The following SHOC1 variants were observed in gnomAD, a reference collection of about 807,000 sequenced individuals.
The protein encoded by SHOC1 is protein shortage in chiasmata 1 ortholog.
In SHOC1, 136 loss-of-function variants were observed where a neutral mutation model predicts 179.2. That is an observed-to-expected ratio of 0.76 (90% CI 0.66 to 0.87). The LOEUF is 0.87. Among genes scored for constraint, SHOC1 ranks in the 40% least tolerant of loss-of-function variants. SHOC1 has a pLI of 0.00. For synonymous variants in SHOC1, 489 were observed against 586.6 expected, an observed-to-expected ratio of 0.83 and a Z score of 2.41; for missense variants, 1,538 against 1,700.8, an observed-to-expected ratio of 0.90 and a Z score of 1.68.
intron 5 of SHOC1, among the ~76,000 whole-genome samples, chr9:111,761,846 A>G (rs1030271310): frequency 1.3e-5 from 2 of 152,174 alleles, no homozygotes; most frequent in African/African-American, 4.8e-5. Context: ...GTAAGTAAAA[A>G]TATAATTTTT....
rs1831429110 is a variant in SHOC1 at position 111,691,650 on chromosome 9, A to T, written c.4327T>A (p.Phe1443Ile). The stretch of plus-strand genomic sequence containing the variant: ...CTTTGGTAGAAATAAAGGCTGTTGA[A>T]TTCTTTTTGATTTGCATTAGAATCA... ...ASDSNANQKE[F>I]NSLYFYQRAG... Residue 1443 changes from phenylalanine to isoleucine, a missense_variant, in exon 27 of 28, where the codon TTC (phenylalanine) becomes ATC (isoleucine). Transcript: ENST00000682961. 1 of 1,613,836 alleles carries T rather than the reference A, an allele frequency of 6.2e-7. No homozygotes were observed. The highest frequency in any genetic ancestry group is 2.2e-5 in the East Asian group (1 of 44,866).
At position 111,718,364 on chromosome 9, in the gene SHOC1, T is replaced by C. The variant is rs1589402682; in HGVS notation, c.2132-76A>G. On this transcript the variant is annotated intron_variant, in intron 15 of 27. Coordinates refer to ENST00000682961, the MANE Select transcript of SHOC1 (RefSeq NM_001378211.1). Reference sequence around the variant, plus strand: ...AGAATATGTATCAGAATCTGCCTAATAATGGGAGCTAACATTTATTATTGA... The same window carrying C: ...AGAATATGTATCAGAATCTGCCTAACAATGGGAGCTAACATTTATTATTGA... 3.4e-5 allele frequency: 30 copies of C among 874,572 alleles called. No individual in the cohort carries two copies. In the East Asian group the frequency reaches 8.6e-4, roughly 25 times the overall value. 54.2% of individuals were successfully genotyped at this position (874,572 alleles called of 1,614,324 possible). A position where few individuals can be genotyped will look rare whatever the true frequency, so the allele number is the denominator to read the frequency against.
At chr9:111,707,394 GA>G (rs5899966) in intron 19 of SHOC1, among the ~76,000 whole-genome samples, 121,298 of 151,614 alleles carry the variant, frequency 0.8, 48,701 homozygotes, top group East Asian at 0.92. Context: ...CCCAATATTT[GA>G]AAAAAAATAA....
At chr9:111,697,229 A>C (rs1188427111) in intron 24 of SHOC1, among the ~76,000 whole-genome samples, 1 of 150,788 alleles carries the variant, frequency 6.6e-6, no homozygotes, top group African/African-American at 2.4e-5. Flanking sequence ...TCTAGAGTAC[A>C]TGTTCACAAT....
chr9:111,705,370 TA>T lies in SHOC1; in HGVS notation c.2738-7del. ...TCTATCCAGCAAGGTGCTTCCTAAA[TA>T]AGAGAAAATTTATAAATATTTCTCT... is the stretch of plus-strand genomic sequence containing the variant. On this transcript the variant is annotated splice_region_variant and splice_polypyrimidine_tract_variant and intron_variant, in intron 20 of 27. Transcript: ENST00000682961. 7.2e-7 allele frequency: 1 copy of T among 1,393,802 alleles called. No homozygotes were observed. Among genetic ancestry groups the T allele is most frequent in the Non-Finnish European group, 9.6e-7 (1 of 1,036,616 alleles). The allele number at this position is 1,393,802 out of a possible 1,614,324, so 86.3% of individuals were successfully genotyped here. A position where few individuals can be genotyped will look rare whatever the true frequency, so the allele number is the denominator to read the frequency against.
chr9:111,770,056 T>G (rs2131602498), intron 5 of SHOC1, among the ~76,000 whole-genome samples: 1 of 148,832 alleles, frequency 6.7e-6, no homozygotes, highest in South Asian at 2.2e-4. Context: ...GTTTCTTTCC[T>G]TCTACCAGTT....
intron 3 of SHOC1, among the ~76,000 whole-genome samples, chr9:111,785,354 G>A (rs923804356): frequency 4.0e-5 from 4 of 100,460 alleles, no homozygotes; most frequent in East Asian, 4.1e-4. Flanking sequence ...TTTTGTTGCT[G>A]TATCCTCCTT....
chr9:111,749,154 T>C (rs911910612), intron 8 of SHOC1, among the ~76,000 whole-genome samples: 5 of 152,092 alleles, frequency 3.3e-5, no homozygotes, highest in African/African-American at 9.7e-5. Context: ...TTGAAAGACA[T>C]AGACTTTGTA....
At chr9:111,738,110 A>C (rs1833885741) in intron 12 of SHOC1, 170 bp downstream of exon 12, 7 of 493,168 alleles carry the variant, frequency 1.4e-5, no homozygotes, top group Non-Finnish European at 2.4e-5. Flanking sequence ...TCATTTTTTC[A>C]AGAAAATGGG....
chr9:111,704,747 T>A (rs1181764744), intron 21 of SHOC1, among the ~76,000 whole-genome samples: 4 of 32,152 alleles, frequency 1.2e-4, no homozygotes, highest in African/African-American at 3.3e-4. Context: ...ACATCTAATG[T>A]TGGTATGACC....
intron 18 of SHOC1, among the ~76,000 whole-genome samples, chr9:111,712,641 G>GAGAACTTAA (rs1832606741): frequency 1.3e-5 from 2 of 152,052 alleles, no homozygotes; most frequent in Admixed American, 6.6e-5. Flanking sequence ...TAGTAAGTGA[G>GAGAACTTAA]GAAAACAGAC....
intron 21 of SHOC1, 61 bp downstream of exon 21, chr9:111,705,186 C>CACACAT (rs1196954849): frequency 3.0e-6 from 2 of 677,570 alleles, no homozygotes; most frequent in Non-Finnish European, 4.9e-6. Context: ...CACACACACA[C>CACACAT]ACACACACAC....
intron 1 of SHOC1, among the ~76,000 whole-genome samples, chr9:111,793,915 G>A (rs1389420753): frequency 6.6e-6 from 1 of 151,942 alleles, no homozygotes. Context: ...GCAATGGTGC[G>A]ATCTTGGCTC....
At chr9:111,708,215 T>TA (rs35947748) in intron 18 of SHOC1, among the ~76,000 whole-genome samples, 8,461 of 151,792 alleles carry the variant, frequency 0.056, 589 homozygotes, top group African/African-American at 0.16. Context: ...ATTTTTTATT[T>TA]TTTTTGAGAC....
At chr9:111,783,045 C>T (rs1168957175) in intron 3 of SHOC1, among the ~76,000 whole-genome samples, 1 of 152,092 alleles carries the variant, frequency 6.6e-6, no homozygotes, top group Non-Finnish European at 1.5e-5. Context: ...CTTTTTCTTT[C>T]CTGCATCATC....
chr9:111,716,381 CTTTTTTTTTT>C (rs34548781), intron 16 of SHOC1, among the ~76,000 whole-genome samples: 4 of 67,742 alleles, frequency 5.9e-5, no homozygotes, highest in Non-Finnish European at 1.0e-4. Context: ...TCTTTTCTCC[CTTTTTTTTTT>C]TTTTTTTTTT....
At chr9:111,747,584 G>T (rs575532211) in intron 9 of SHOC1, among the ~76,000 whole-genome samples, 5 of 151,818 alleles carry the variant, frequency 3.3e-5, no homozygotes, top group East Asian at 3.9e-4. Context: ...TTATTCAGGG[G>T]TTTTTTTGTT....
intron 12 of SHOC1, 63 bp downstream of exon 12, chr9:111,738,217 G>A: frequency 7.0e-7 from 1 of 1,432,782 alleles, no homozygotes; most frequent in Non-Finnish European, 9.5e-7. Flanking sequence ...AGGAAATCCA[G>A]AATCTAACAT....
chr9:111,731,345 CATTT>C (rs762437289), intron 12 of SHOC1, among the ~76,000 whole-genome samples: 13 of 152,196 alleles, frequency 8.5e-5, no homozygotes, highest in Non-Finnish European at 1.8e-4. Flanking sequence ...ATACCATTCT[CATTT>C]AATCATTTCT....
Sources: allele counts gnomAD v4.1 joint callset (sites outside exome capture counted in the v4.1 genomes callset), GRCh38; gene constraint gnomAD v4.1.1; transcripts MANE v1.5; gene names NCBI Gene and HGNC (gene_info 2026-07-23, HGNC 2026-07-21).